Variants in PRKCI observed in about 807,000 individuals in gnomAD.
PRKCI encodes the protein protein kinase C iota type.
A neutral mutation model predicts 84.0 loss-of-function variants in PRKCI; 43 were observed. The ratio of observed to expected loss-of-function variants is 0.51; its 90% CI spans 0.40 to 0.66. The LOEUF (loss-of-function observed/expected upper bound fraction) is 0.66, where lower values mean the gene tolerates loss of function less well. PRKCI is among the 30% of genes least tolerant of loss of function. The probability of loss-of-function intolerance (pLI) is 0.00; values close to 1 mark genes in which losing one functional copy is unlikely to be tolerated. For synonymous variants in PRKCI, 216 were observed against 234.4 expected (o/e 0.92, Z 0.72); for missense variants, 459 against 745.6 (o/e 0.62, Z 4.48).
intron 10 of PRKCI, 41 bp from the exon 11 acceptor site, chr3:170,281,841 A>G: frequency 6.4e-7 from 1 of 1,554,274 alleles, no homozygotes; most frequent in East Asian, 2.3e-5. Flanking sequence ...ACACTACCTT[A>G]TTTTGGATCT....
intron 14 of PRKCI, 50 bp from the exon 15 acceptor site, chr3:170,295,861 T>C: frequency 8.8e-7 from 1 of 1,136,184 alleles, no homozygotes; most frequent in Non-Finnish European, 1.2e-6. Flanking sequence ...AGAAAAAAGA[T>C]TAAAGCCATG....
intron 14 of PRKCI, among the ~76,000 whole-genome samples, chr3:170,295,108 A>C (rs865793331): frequency 2.0e-5 from 3 of 151,850 alleles, no homozygotes; most frequent in Non-Finnish European, 4.4e-5. Context: ...ACTACTCAGG[A>C]GGCTCAGGCA....
At chr3:170,243,621 C>G (rs1733192088) in intron 2 of PRKCI, among the ~76,000 whole-genome samples, 1 of 152,174 alleles carries the variant, frequency 6.6e-6, no homozygotes, top group Non-Finnish European at 1.5e-5. Flanking sequence ...AGATGGGGCA[C>G]TTCATCCCAG....
chr3:170,254,582 C>A (rs1017483859), intron 2 of PRKCI, among the ~76,000 whole-genome samples: 2 of 78,106 alleles, frequency 2.6e-5, no homozygotes, highest in Admixed American at 1.3e-4. Context: ...TGAAGGCTGT[C>A]TTTTCCCCAG....
chr3:170,254,297 A>G (rs777676961), intron 2 of PRKCI, among the ~76,000 whole-genome samples: 31 of 152,126 alleles, frequency 2.0e-4, no homozygotes, highest in Admixed American at 7.2e-4. Context: ...GTTTTGCAGA[A>G]ACCTAAGTTG....
In PRKCI at chr3:170,237,137, A is replaced by G. The variant is rs139262637; in HGVS notation, c.223+1786A>G. On this transcript the variant is annotated intron_variant, in intron 2 of 17. Transcript: ENST00000295797. Reference sequence around the variant, plus strand: ...AGGAGAAAACCATATAGGCTGAAGAAGAATATGTAGAAAGGCACAGAAATG... The same window carrying G: ...AGGAGAAAACCATATAGGCTGAAGAGGAATATGTAGAAAGGCACAGAAATG... 5.3e-5 allele frequency among the ~76,000 whole-genome samples: 8 copies of G among 152,320 alleles called. No homozygotes were observed. In the East Asian group the frequency reaches 1.3e-3, roughly 26 times the overall value.
intron 16 of PRKCI, 33 bp from the exon 17 acceptor site, chr3:170,298,962 A>G (rs1734755401): frequency 7.0e-7 from 1 of 1,433,494 alleles, no homozygotes; most frequent in Non-Finnish European, 9.8e-7. Flanking sequence ...CTAAGAATAC[A>G]GACTTGAGCT....
intron 4 of PRKCI, among the ~76,000 whole-genome samples, chr3:170,266,632 A>G (rs1229431126): frequency 2.0e-5 from 3 of 152,148 alleles, no homozygotes; most frequent in Admixed American, 1.3e-4. Flanking sequence ...AAGGAGACCA[A>G]AAAAAGCATG....
intron 15 of PRKCI, 98 bp from the exon 16 acceptor site, chr3:170,297,206 T>TA: frequency 1.1e-6 from 1 of 914,496 alleles, no homozygotes; most frequent in South Asian, 1.6e-5. Flanking sequence ...ACTTCAGAAA[T>TA]AAGAGTATCA....
chr3:170,252,594 C>T (rs923479435), intron 2 of PRKCI, among the ~76,000 whole-genome samples: 5 of 150,648 alleles, frequency 3.3e-5, no homozygotes, highest in African/African-American at 1.2e-4. Context: ...TTCTTTTTTA[C>T]TTTTTCTAAC....
intron 2 of PRKCI, among the ~76,000 whole-genome samples, chr3:170,245,423 C>T (rs947896968): frequency 6.6e-6 from 1 of 152,122 alleles, no homozygotes; most frequent in African/African-American, 2.4e-5. Flanking sequence ...CTGGAAAACT[C>T]ACACATCTGG....
chr3:170,271,811 A>C (rs1734013309), intron 6 of PRKCI, among the ~76,000 whole-genome samples: 1 of 152,062 alleles, frequency 6.6e-6, no homozygotes, highest in Non-Finnish European at 1.5e-5. Flanking sequence ...TATCCACCAG[A>C]AGGCACATGT....
At chr3:170,298,852 A>G in intron 16 of PRKCI, 143 bp from the exon 17 acceptor site, 1 of 593,128 alleles carries the variant, frequency 1.7e-6, no homozygotes, top group Non-Finnish European at 3.0e-6. Flanking sequence ...ATATTTGTAA[A>G]TTATGTTCAT....
intron 11 of PRKCI, among the ~76,000 whole-genome samples, chr3:170,282,842 C>T (rs1157181358): frequency 1.3e-5 from 2 of 151,944 alleles, no homozygotes; most frequent in Non-Finnish European, 1.5e-5. Context: ...CGCAGTGGCT[C>T]ATGCCTGTAA....
At chr3:170,237,504 A>C (rs1003435683) in intron 2 of PRKCI, among the ~76,000 whole-genome samples, 3 of 152,158 alleles carry the variant, frequency 2.0e-5, no homozygotes, top group Non-Finnish European at 2.9e-5. Context: ...ATGTAACCAA[A>C]CACCACCTGC....
At chr3:170,272,910 C>T (rs1734034387) in intron 6 of PRKCI, among the ~76,000 whole-genome samples, 1 of 152,116 alleles carries the variant, frequency 6.6e-6, no homozygotes, top group Admixed American at 6.6e-5. Flanking sequence ...TATAGACATC[C>T]TGAAGTCTAC....
At chr3:170,242,634 T>C (rs1211249471) in intron 2 of PRKCI, among the ~76,000 whole-genome samples, 1 of 151,844 alleles carries the variant, frequency 6.6e-6, no homozygotes, top group Non-Finnish European at 1.5e-5. Context: ...TTATTTATAA[T>C]GTAATGTAAA....
At position 170,240,847 on chromosome 3, in the gene PRKCI, C is replaced by T. The variant is rs1255274751; in HGVS notation, c.223+5496C>T. On this transcript the variant is annotated intron_variant, in intron 2 of 17. Coordinates refer to ENST00000295797, the MANE Select transcript of PRKCI (RefSeq NM_002740.6). ...AAGACAACTGCCCTTTTTCCTTGTACTCAAAACCAGTCTTAGTGATTTGTT... is the reference window on the plus strand; with the variant it reads ...AAGACAACTGCCCTTTTTCCTTGTATTCAAAACCAGTCTTAGTGATTTGTT... 2.0e-5 allele frequency among the ~76,000 whole-genome samples: 3 copies of T among 152,250 alleles called. No homozygotes were observed. In the East Asian group the frequency reaches 5.8e-4, roughly 29 times the overall value.
chr3:170,282,205 T>C (rs1734265577), intron 11 of PRKCI, among the ~76,000 whole-genome samples: 1 of 152,212 alleles, frequency 6.6e-6, no homozygotes, highest in African/African-American at 2.4e-5. Flanking sequence ...TCCTAAGCAA[T>C]TGAAAAGTGT....
Sources: allele counts gnomAD v4.1 joint callset (sites outside exome capture counted in the v4.1 genomes callset), GRCh38; gene constraint gnomAD v4.1.1; transcripts MANE v1.5; gene names NCBI Gene and HGNC (gene_info 2026-07-23, HGNC 2026-07-21).